MACROD2: variants seen among roughly 807,000 people sequenced by gnomAD.
The protein encoded by MACROD2 is mono-ADP ribosylhydrolase 2.
MACROD2 carries 36 observed loss-of-function variants against 70.4 expected under a neutral mutation model. The ratio of observed to expected loss-of-function variants is 0.51; its 90% CI spans 0.39 to 0.68. MACROD2 has a LOEUF of 0.68. Among genes scored for constraint, MACROD2 ranks in the 30% least tolerant of loss-of-function variants. The pLI, the probability that MACROD2 is intolerant of heterozygous loss-of-function variation, is 0.00. For missense variants in MACROD2, 496 were observed against 538.4 expected, an observed-to-expected ratio of 0.92 and a Z score of 0.78; for synonymous variants, 172 against 178.8, an observed-to-expected ratio of 0.96 and a Z score of 0.30.
At chr20:15,386,896 T>C (rs2045721035) in intron 6 of MACROD2, among the ~76,000 whole-genome samples, 1 of 152,218 alleles carries the variant, frequency 6.6e-6, no homozygotes, top group South Asian at 2.1e-4. Context: ...TAATCTGTGA[T>C]CCCTGGCTGA....
chr20:15,622,716 T>C (rs1171097962), intron 8 of MACROD2, among the ~76,000 whole-genome samples: 1 of 152,198 alleles, frequency 6.6e-6, no homozygotes, highest in African/African-American at 2.4e-5. Context: ...TCTCCTCACG[T>C]TGGCACATCA....
At chr20:14,044,593 T>C (rs999904487) in intron 2 of MACROD2, among the ~76,000 whole-genome samples, 4 of 152,194 alleles carry the variant, frequency 2.6e-5, no homozygotes, top group African/African-American at 9.7e-5. Flanking sequence ...ATCCCTGAGC[T>C]AGACCCAAAA....
intron 2 of MACROD2, among the ~76,000 whole-genome samples, chr20:14,009,800 C>T (rs1240463058): frequency 1.3e-5 from 2 of 152,152 alleles, no homozygotes; most frequent in Non-Finnish European, 2.9e-5. Flanking sequence ...TAAAAAGGAA[C>T]AACATCATGT....
intron 12 of MACROD2, among the ~76,000 whole-genome samples, chr20:15,939,979 C>G (rs1376164491): frequency 1.3e-5 from 2 of 152,042 alleles, no homozygotes; most frequent in Non-Finnish European, 2.9e-5. Context: ...ACTGTAATCT[C>G]ATGAGGAACT....
At chr20:14,069,683 T>G (rs1303404078) in intron 2 of MACROD2, among the ~76,000 whole-genome samples, 1 of 146,588 alleles carries the variant, frequency 6.8e-6, no homozygotes, top group Non-Finnish European at 1.5e-5. Flanking sequence ...TGGGATCTAG[T>G]ATGCAGAAAA....
At position 14,988,367 on chromosome 20, in the gene MACROD2, A is replaced by AC. The variant is rs1359416597; in HGVS notation, c.419-241573_419-241572insC. ...AATGAGACTCTGTCAAAAAAAAAAA[A>AC]AAAAAAAGGCTTTATAAATATCAAT... is the stretch of plus-strand genomic sequence containing the variant. On this transcript the variant is annotated intron_variant, in intron 5 of 17. Coordinates refer to ENST00000684519, the MANE Select transcript of MACROD2 (RefSeq NM_001351661.2). Among the ~76,000 whole-genome samples, 278 of 151,466 alleles carry AC rather than the reference A, an allele frequency of 1.8e-3. 2 individuals carry two copies. The highest frequency in any genetic ancestry group is 2.2e-3 in the Non-Finnish European group (146 of 67,850).
intron 5 of MACROD2, among the ~76,000 whole-genome samples, chr20:15,132,221 TA>T (rs1041279618): frequency 7.8e-4 from 118 of 151,924 alleles, no homozygotes; most frequent in African/African-American, 2.8e-3. Context: ...TGAAGTAAAA[TA>T]AAAAGTTTTC....
intron 5 of MACROD2, among the ~76,000 whole-genome samples, chr20:15,162,320 T>A (rs998058190): frequency 2.6e-5 from 4 of 151,958 alleles, no homozygotes; most frequent in Non-Finnish European, 5.9e-5. Flanking sequence ...TTAATAGCCA[T>A]AAGAGAAAAT....
rs147050367 is a variant in MACROD2, at chr20:14,066,524, A to G, written c.164-19097A>G. Reference sequence around the variant, plus strand: ...TTATTTTTGTGTCAGAGTAGAGACAAACACTGATTTCAAAAATTTCAAAAT... The same window carrying G: ...TTATTTTTGTGTCAGAGTAGAGACAGACACTGATTTCAAAAATTTCAAAAT... On this transcript the variant is annotated intron_variant, in intron 2 of 17. Transcript: ENST00000684519. Among the ~76,000 whole-genome samples, 38 of 152,168 alleles carry G rather than the reference A, an allele frequency of 2.5e-4. No individual in the cohort carries two copies. In the East Asian group the frequency reaches 7.4e-3, roughly 30 times the overall value.
Position 14,561,934 on chromosome 20 carries a change from A to T in MACROD2, c.301+68426A>T, listed in dbSNP as rs181157289. Reference sequence around the variant, plus strand: ...AGAAAATATTCTAATCATAATTCCAAGTTGAGGTCAAAAAAATAAATAAAC... The same window carrying T: ...AGAAAATATTCTAATCATAATTCCATGTTGAGGTCAAAAAAATAAATAAAC... On this transcript the variant is annotated intron_variant, in intron 4 of 17. Transcript: ENST00000684519. Among the ~76,000 whole-genome samples, 593 of 151,864 alleles carry T rather than the reference A, an allele frequency of 3.9e-3. 3 individuals carry two copies. Among genetic ancestry groups the T allele is most frequent in the South Asian group, 7.5e-3 (36 of 4,814 alleles).
chr20:14,104,476 AGAGT>A (rs903719887), intron 3 of MACROD2, among the ~76,000 whole-genome samples: 1 of 152,210 alleles, frequency 6.6e-6, no homozygotes, highest in African/African-American at 2.4e-5. Flanking sequence ...GAAGTTCCTC[AGAGT>A]GAGAGAGGAA....
intron 8 of MACROD2, among the ~76,000 whole-genome samples, chr20:15,827,976 C>A (rs1044822826): frequency 5.9e-5 from 9 of 151,886 alleles, no homozygotes; most frequent in African/African-American, 2.2e-4. Flanking sequence ...AGAACAGTTA[C>A]CTTAGAATCT....
At chr20:15,217,383 C>A (rs1016428103) in intron 5 of MACROD2, among the ~76,000 whole-genome samples, 22 of 152,248 alleles carry the variant, frequency 1.4e-4, no homozygotes, top group Non-Finnish European at 2.8e-4. Flanking sequence ...ACTTGACAAG[C>A]AGATATTATC....
intron 3 of MACROD2, among the ~76,000 whole-genome samples, chr20:14,229,513 A>G (rs1257193385): frequency 2.0e-5 from 3 of 152,234 alleles, no homozygotes; most frequent in East Asian, 1.9e-4. Flanking sequence ...AAGTTAAAAT[A>G]ACAATTAGCT....
chr20:15,256,665 C>T (rs1460511465), intron 6 of MACROD2, among the ~76,000 whole-genome samples: 1 of 151,822 alleles, frequency 6.6e-6, no homozygotes, highest in Admixed American at 6.6e-5. Context: ...AGCAAAAATC[C>T]TTTCTAAGAA....
intron 4 of MACROD2, among the ~76,000 whole-genome samples, chr20:14,504,073 T>C (rs975699683): frequency 2.6e-5 from 4 of 152,198 alleles, no homozygotes; most frequent in African/African-American, 7.2e-5. Flanking sequence ...TAACTATCTC[T>C]CTTTCCTCTA....
At chr20:14,017,311 A>C (rs2053007347) in intron 2 of MACROD2, among the ~76,000 whole-genome samples, 1 of 151,990 alleles carries the variant, frequency 6.6e-6, no homozygotes, top group Admixed American at 6.6e-5. Flanking sequence ...AATGTCTTTT[A>C]TTTCTTTTTC....
intron 15 of MACROD2, among the ~76,000 whole-genome samples, chr20:15,995,412 C>T (rs1156877333): frequency 3.3e-5 from 5 of 151,052 alleles, no homozygotes; most frequent in Admixed American, 2.0e-4. Flanking sequence ...TGCAGTGGCG[C>T]GATCTGGGCT....
chr20:15,614,872 T>C (rs1183213240), intron 8 of MACROD2, among the ~76,000 whole-genome samples: 2 of 152,216 alleles, frequency 1.3e-5, no homozygotes, highest in South Asian at 2.1e-4. Flanking sequence ...GAAAAAAAAA[T>C]TCCTGCCAGA....
Sources: gnomAD v4.1 joint callset for allele counts (sites outside exome capture counted in the v4.1 genomes callset) on GRCh38, gnomAD v4.1.1 for gene constraint, MANE v1.5 for transcripts, NCBI Gene and HGNC (gene_info 2026-07-23, HGNC 2026-07-21) for gene names.